SIM1: variants seen among roughly 807,000 people sequenced by gnomAD.
SIM1 encodes single-minded homolog 1.
SIM1 carries 18 observed loss-of-function variants against 78.2 expected under a neutral mutation model. The observed-to-expected ratio is 0.23, with a 90% CI of 0.16 to 0.34. SIM1 has a LOEUF of 0.34. Ranked by LOEUF, SIM1 falls within the 10% of genes least tolerant of loss-of-function variation. The pLI, the probability that SIM1 is intolerant of heterozygous loss-of-function variation, is 1.00. For missense variants in SIM1, 939 were observed against 975.1 expected, an observed-to-expected ratio of 0.96 and a Z score of 0.49; for synonymous variants, 417 against 385.2, an observed-to-expected ratio of 1.08 and a Z score of -0.97.
chr6:100,448,295 C>T, intron 7 of SIM1, 43 bp from the exon 8 acceptor site: 1 of 1,506,104 alleles, frequency 6.6e-7, no homozygotes, highest in Non-Finnish European at 9.1e-7. Flanking sequence ...GGCGCGGGTG[C>T]AGGGATGCCC....
intron 2 of SIM1, 147 bp downstream of exon 2, chr6:100,463,147 C>T (rs1254687430): frequency 3.0e-6 from 2 of 657,170 alleles, no homozygotes; most frequent in East Asian, 5.5e-5. Flanking sequence ...CAGTGAGGAC[C>T]TTAGTGAAGC....
intron 9 of SIM1, among the ~76,000 whole-genome samples, chr6:100,425,024 G>C (rs928014189): frequency 5.3e-5 from 8 of 152,062 alleles, no homozygotes; most frequent in African/African-American, 1.7e-4. Flanking sequence ...GAATTCCCAC[G>C]TGTTGTGGGA....
intron 9 of SIM1, among the ~76,000 whole-genome samples, chr6:100,444,697 A>G (rs1400535582): frequency 6.6e-6 from 1 of 152,174 alleles, no homozygotes; most frequent in Non-Finnish European, 1.5e-5. Context: ...GCTTATTAAA[A>G]CAAGGTTGCT....
Position 100,453,589 on chromosome 6 carries a change from TGCA to T in SIM1, c.258+170_258+172del, listed in dbSNP as rs562660581. Among the ~76,000 whole-genome samples, 383 of 152,142 alleles carry T rather than the reference TGCA, an allele frequency of 2.5e-3. 1 individual carries two copies. Among genetic ancestry groups the T allele is most frequent in the Non-Finnish European group, 4.2e-3 (285 of 67,998 alleles). On this transcript the variant is annotated intron_variant, in intron 3 of 11. Transcript: ENST00000369208. Reference sequence around the variant, plus strand: ...ATCTGCAAAAGCTAAAATTTTACTTTGCAGCAGCTATTGGGCTCTGAGAGGGCC... The same window carrying T: ...ATCTGCAAAAGCTAAAATTTTACTTTGCAGCTATTGGGCTCTGAGAGGGCC...
chr6:100,424,756 T>C (rs1264366013), intron 9 of SIM1, among the ~76,000 whole-genome samples: 4 of 152,096 alleles, frequency 2.6e-5, no homozygotes, highest in African/African-American at 9.7e-5. Flanking sequence ...TTTGGTGAAG[T>C]TTAGATGAAA....
chr6:100,429,382 A>C (rs1163147984), intron 9 of SIM1, among the ~76,000 whole-genome samples: 2 of 151,194 alleles, frequency 1.3e-5, no homozygotes, highest in Admixed American at 1.3e-4. Flanking sequence ...AAAAAAAAAA[A>C]ACACACTATA....
At chr6:100,396,287 G>T (rs939352654) in intron 10 of SIM1, among the ~76,000 whole-genome samples, 3 of 151,878 alleles carry the variant, frequency 2.0e-5, no homozygotes, top group African/African-American at 7.3e-5. Flanking sequence ...GATTCTGCTT[G>T]TTTTTATAAA....
chr6:100,400,409 T>C (rs893371978), intron 10 of SIM1, among the ~76,000 whole-genome samples: 2 of 151,792 alleles, frequency 1.3e-5, no homozygotes, highest in Non-Finnish European at 2.9e-5. Context: ...CAACACCCTC[T>C]GATCACAATG....
chr6:100,390,443 T>C lies in SIM1; in HGVS notation c.2219A>G (p.Asp740Gly). The change falls in exon 12 of 12, where the codon GAT becomes GGT. Residue 740 changes from aspartate (D) to glycine (G), a missense_variant. By Grantham distance (94) the Asp-to-Gly change is moderately conservative. Coordinates refer to ENST00000369208, the MANE Select transcript of SIM1 (RefSeq NM_005068.3). ...YSLGCNGSHF[D>G]VTSHLRMQPD... is the part of the protein sequence containing the mutation. ...TTGCATCCTCAGATGGGAAGTTACA[T>C]CAAAGTGTGAGCCATTACAGCCCAA... is the stretch of plus-strand genomic sequence containing the variant. The C allele has an allele frequency of 6.2e-7, 1 of 1,614,148 alleles. No homozygotes were observed. The highest frequency in any genetic ancestry group is 8.5e-7 in the Non-Finnish European group (1 of 1,180,028).
Position 100,448,582 on chromosome 6 carries a change from C to A in SIM1, c.640G>T (p.Gly214Cys). Residue 214 changes from glycine to cysteine, a missense_variant, in exon 7 of 12, where the codon GGC becomes TGC. Coordinates refer to ENST00000369208, the MANE Select transcript of SIM1 (RefSeq NM_005068.3). The part of the protein sequence containing the change: ...CYQNVGLVAV[G>C]HSLPPSAVTE... ...ACGGCGCTGGGAGGCAGCGAGTGGC[C>A]CACGGCCACCAGGCCCACGTTTTGG... 3 of 1,614,080 alleles carry A rather than the reference C, an allele frequency of 1.9e-6. No individual in the cohort carries two copies. The highest frequency in any genetic ancestry group is 2.5e-6 in the Non-Finnish European group (3 of 1,180,016).
chr6:100,393,668 A>G lies in SIM1; in HGVS notation c.1389T>C (p.His463=). Residue 463 remains histidine, a synonymous_variant, in exon 11 of 12, where the codon CAT becomes CAC. Coordinates refer to ENST00000369208, the MANE Select transcript of SIM1 (RefSeq NM_005068.3). ...ATCGGCCTCCTTCACAGGCCTGGGT[A>G]TGGAAATGCCTCTCTTCCACCAGCC... ...HSRLVEERHF[H]TQACEGGRCE... 2 of 1,613,982 alleles carry G rather than the reference A, an allele frequency of 1.2e-6. No homozygotes were observed. Among genetic ancestry groups the G allele is most frequent in the Non-Finnish European group, 1.7e-6 (2 of 1,179,856 alleles).
chr6:100,443,679 A>G (rs748502036), intron 9 of SIM1, among the ~76,000 whole-genome samples: 2 of 152,100 alleles, frequency 1.3e-5, no homozygotes, highest in African/African-American at 2.4e-5. Context: ...TACACACAAT[A>G]ATTTTTAACA....
rs1476699524 is a variant in SIM1, at chr6:100,450,234, AC to A, written c.348+32del. On this transcript the variant is annotated intron_variant, in intron 4 of 11. Transcript: ENST00000369208. ...CCTGCTTCCAGCTCTGGCTGTAAAC[AC>A]TGCAGGTGGGATATGTGAACCACTC... 4 of 1,570,712 alleles carry A rather than the reference AC, an allele frequency of 2.5e-6. No individual in the cohort carries two copies. In the African/African-American group the frequency reaches 4.1e-5, roughly 16 times the overall value.
At chr6:100,446,770 C>A (rs1198492058) in intron 9 of SIM1, among the ~76,000 whole-genome samples, 2 of 152,188 alleles carry the variant, frequency 1.3e-5, no homozygotes, top group Non-Finnish European at 2.9e-5. Context: ...AAGTCAGATC[C>A]TCCTGGTCAC....
At chr6:100,448,060 G>A in intron 8 of SIM1, 86 bp downstream of exon 8, 1 of 1,112,730 alleles carries the variant, frequency 9.0e-7, no homozygotes, top group Admixed American at 2.1e-5. Context: ...CTGTCCTCTT[G>A]CGAGGGATTT....
intron 9 of SIM1, among the ~76,000 whole-genome samples, chr6:100,440,968 T>A (rs774816490): frequency 7.9e-5 from 12 of 152,162 alleles, no homozygotes; most frequent in Non-Finnish European, 1.8e-4. Context: ...CTCCCTTGAA[T>A]TTCTCCATCC....
intron 10 of SIM1, among the ~76,000 whole-genome samples, chr6:100,411,505 C>T (rs1337140838): frequency 6.6e-6 from 1 of 152,208 alleles, no homozygotes; most frequent in Non-Finnish European, 1.5e-5. Flanking sequence ...TGTCTCTTTA[C>T]AGACGTTATA....
intron 10 of SIM1, among the ~76,000 whole-genome samples, chr6:100,414,475 C>T (rs1771349026): frequency 1.3e-5 from 2 of 152,092 alleles, no homozygotes; most frequent in African/African-American, 4.8e-5. Context: ...TTATGAAAAC[C>T]ATCTAAAAAG....
Position 100,386,409 on chromosome 6 carries a change from G to T in SIM1, c.*3952C>A, listed in dbSNP as rs571759994. On this transcript the variant is annotated 3_prime_UTR_variant, in exon 12 of 12. Transcript: ENST00000369208. Reference sequence around the variant, plus strand: ...TTAGTAATATCCTACTCTTGAAAGAGAGAGCTATAAAAATCAAATGTGTAT... The same window carrying T: ...TTAGTAATATCCTACTCTTGAAAGATAGAGCTATAAAAATCAAATGTGTAT... The T allele has an allele frequency of 6.6e-6, 1 of 152,116 alleles. No homozygotes were observed. Among genetic ancestry groups the T allele is most frequent in the South Asian group, 2.1e-4 (1 of 4,822 alleles). The allele number at this position is 152,116 out of a possible 1,614,324, so 9.4% of individuals were successfully genotyped here.
Sources: gnomAD v4.1 joint callset for allele counts (sites outside exome capture counted in the v4.1 genomes callset) on GRCh38, gnomAD v4.1.1 for gene constraint, MANE v1.5 for transcripts, NCBI Gene and HGNC (gene_info 2026-07-23, HGNC 2026-07-21) for gene names.